Variants in GREB1 observed in about 807,000 individuals in gnomAD.
The protein encoded by GREB1 is protein GREB1.
A neutral mutation model predicts 200.7 loss-of-function variants in GREB1; 106 were observed. That is an observed-to-expected ratio of 0.53 (90% CI 0.45 to 0.62). The LOEUF (loss-of-function observed/expected upper bound fraction) is 0.62, where lower values mean the gene tolerates loss of function less well. Among genes scored for constraint, GREB1 ranks in the 20% least tolerant of loss-of-function variants. The pLI is 0.00. For missense variants in GREB1, 2,243 were observed against 2,556.8 expected (o/e 0.88, Z 2.65); for synonymous variants, 1,132 against 1,092.4 (o/e 1.04, Z -0.72).
In GREB1 at chr2:11,520,208, A is replaced by G. The variant is rs115026585; in HGVS notation, c.-158-36249A>G. ...CTCAGCCTTGTTTTAAGCTCTTTTT[A>G]TAGATTAAGCTCATTTCATCTTTAT... On this transcript the variant is annotated intron_variant, in intron 1 of 2. Transcript: ENST00000628795. Among the ~76,000 whole-genome samples, 786 of 152,350 alleles carry G rather than the reference A, an allele frequency of 5.2e-3. 4 individuals are homozygous for G. The highest frequency in any genetic ancestry group is 0.016 in the African/African-American group (645 of 41,580).
At chr2:11,555,197 A>G (rs564407871) in intron 1 of GREB1, among the ~76,000 whole-genome samples, 8 of 152,370 alleles carry the variant, frequency 5.3e-5, no homozygotes, top group African/African-American at 2.4e-5. Context: ...AAAGAGAAAT[A>G]TAACAAATAG....
chr2:11,518,427 GACAC>G (rs1673583720), intron 1 of GREB1, among the ~76,000 whole-genome samples: 3 of 151,674 alleles, frequency 2.0e-5, no homozygotes, highest in Non-Finnish European at 2.9e-5. Flanking sequence ...TTGTATCTCA[GACAC>G]TGAGTTTTGA....
intron 1 of GREB1, among the ~76,000 whole-genome samples, chr2:11,485,674 G>T (rs1448157022): frequency 1.3e-5 from 2 of 152,162 alleles, no homozygotes; most frequent in South Asian, 4.1e-4. Context: ...TGCTTGGTAC[G>T]AAGTTGATCA....
At chr2:11,518,846 C>T (rs7580473) in intron 1 of GREB1, among the ~76,000 whole-genome samples, 14,283 of 152,020 alleles carry the variant, frequency 0.094, 919 homozygotes, top group Non-Finnish European at 0.14. Context: ...CTTCTGTAAT[C>T]CCAGCACTTT....
Position 11,601,011 on chromosome 2 carries a change from C to G in GREB1, c.2529+16C>G. ...CTGCAGTAATGTGAGTGCCACGGGG[C>G]TGCTGGGCCCTTGTGTAGCAATATC... On this transcript the variant is annotated intron_variant, in intron 16 of 32. Coordinates refer to ENST00000381486, the MANE Select transcript of GREB1 (RefSeq NM_014668.4). 6.3e-7 allele frequency: 1 copy of G among 1,595,036 alleles called. No homozygotes were observed. Among genetic ancestry groups the G allele is most frequent in the East Asian group, 2.2e-5 (1 of 44,502 alleles).
At chr2:11,560,180 T>A (rs1436340780) in intron 2 of GREB1, among the ~76,000 whole-genome samples, 1 of 152,208 alleles carries the variant, frequency 6.6e-6, no homozygotes, top group Non-Finnish European at 1.5e-5. Context: ...CAGGATCAGA[T>A]GCACAGAGAG....
chr2:11,618,324 C>T lies in GREB1; in HGVS notation c.3449C>T (p.Thr1150Ile). The T allele has an allele frequency of 6.3e-7, 1 of 1,594,982 alleles. No homozygotes were observed. Among genetic ancestry groups the T allele is most frequent in the Non-Finnish European group, 8.6e-7 (1 of 1,168,846 alleles). Reference protein sequence around the residue: ...ALGGESSAQPTALPQGEHARS... With the variant: ...ALGGESSAQPIALPQGEHARS... ...GGTGGCGAGTCCTCGGCTCAGCCCA[C>T]AGCACTCCCCCAGGGAGAGCATGCC... The change falls in exon 22 of 33, where the codon ACA (threonine) becomes ATA (isoleucine). Residue 1150 changes from threonine to isoleucine, a missense_variant. Around this residue, in one of 3 missense-constraint regions of GREB1, gnomAD observed 587 missense variants for 553.1 expected, o/e 1.06. Coordinates refer to ENST00000381486, the MANE Select transcript of GREB1 (RefSeq NM_014668.4).
At chr2:11,553,996 A>T (rs1481888921) in intron 1 of GREB1, among the ~76,000 whole-genome samples, 1 of 152,088 alleles carries the variant, frequency 6.6e-6, no homozygotes, top group East Asian at 1.9e-4. Context: ...GGCATTTGGG[A>T]TGTTATTCGT....
At chr2:11,527,640 C>T (rs1389574971) in intron 1 of GREB1, among the ~76,000 whole-genome samples, 16 of 152,218 alleles carry the variant, frequency 1.1e-4, no homozygotes, top group Admixed American at 1.0e-3. Context: ...AGACTGCACT[C>T]ATTCATTCAA....
chr2:11,631,914 T>C lies in GREB1; in HGVS notation c.4617T>C (p.His1539=). ...ATGATACCTGTACTTTGCAGAGCCA[T>C]GAATATATAAAAAGTCCGACATTCA... ...MRLPLVTDKS[H]EYIKSPTFTP... is the part of the protein sequence containing the mutation. The change falls in exon 27 of 33, where the codon CAT becomes CAC. Residue 1539 remains histidine, a synonymous_variant. Transcript: ENST00000381486. The C allele has an allele frequency of 6.2e-7, 1 of 1,612,726 alleles. No homozygotes were observed. Among genetic ancestry groups the C allele is most frequent in the Non-Finnish European group, 8.5e-7 (1 of 1,178,944 alleles).
In GREB1 at chr2:11,591,548, A is replaced by G. The variant is rs1347688226; in HGVS notation, c.1346-1228A>G. ...TCATCTTTTTCTGAATTAATAACCC[A>G]AATGATGGTACCCAGTGGTGCTTAG... On this transcript the variant is annotated intron_variant, in intron 10 of 32. Coordinates refer to ENST00000381486, the MANE Select transcript of GREB1 (RefSeq NM_014668.4). 5 of 688,880 alleles carry G rather than the reference A, an allele frequency of 7.3e-6. No homozygotes were observed. The Admixed American group carries it at 1.0e-4, about 14-fold the overall frequency. 42.7% of individuals were successfully genotyped at this position (688,880 alleles called of 1,614,324 possible). A position where few individuals can be genotyped will look rare whatever the true frequency, so the allele number is the denominator to read the frequency against.
intron 9 of GREB1, chr2:11,588,520 C>T: frequency 3.3e-6 from 2 of 597,848 alleles, no homozygotes; most frequent in East Asian, 5.9e-5. Flanking sequence ...AATGAACCAG[C>T]AAGTGGCACA....
At chr2:11,632,335 C>CTTTTTTT (rs567209224) in intron 27 of GREB1, among the ~76,000 whole-genome samples, 10 of 112,206 alleles carry the variant, frequency 8.9e-5, no homozygotes, top group African/African-American at 1.7e-4. Context: ...TTCTTTCTCT[C>CTTTTTTT]TTTTTTTTTT....
At chr2:11,566,706 C>A in intron 4 of GREB1, 50 bp downstream of exon 4, 1 of 1,539,760 alleles carries the variant, frequency 6.5e-7, no homozygotes, top group Non-Finnish European at 8.8e-7. Context: ...TGGGGTAGAG[C>A]AGGGTCAAGG....
intron 1 of GREB1, among the ~76,000 whole-genome samples, chr2:11,495,564 G>T (rs894861669): frequency 6.6e-6 from 1 of 151,882 alleles, no homozygotes; most frequent in Admixed American, 6.6e-5. Context: ...AGCACTTCAC[G>T]TGTAACTCAC....
chr2:11,634,434 G>A (rs572661227), intron 29 of GREB1, 85 bp downstream of exon 29: 273 of 1,040,882 alleles, frequency 2.6e-4, no homozygotes, highest in Non-Finnish European at 2.1e-4. Flanking sequence ...CTGCAGAGGC[G>A]TCCTGGCTGT....
intron 1 of GREB1, among the ~76,000 whole-genome samples, chr2:11,553,307 T>C (rs550233357): frequency 2.0e-5 from 3 of 152,142 alleles, no homozygotes; most frequent in African/African-American, 7.2e-5. Flanking sequence ...GAGACCAGCC[T>C]GGGCAACATG....
At position 11,520,965 on chromosome 2, in the gene GREB1, G is replaced by A. The variant is rs560937437; in HGVS notation, c.-158-35492G>A. Among the ~76,000 whole-genome samples the A allele has an allele frequency of 4.6e-5, 7 of 152,302 alleles. No individual in the cohort carries two copies. The South Asian group carries it at 6.2e-4, about 14-fold the overall frequency. ...CAAGGTCACACAGTTAGCAGGGGGC[G>A]TCTGGGATCCCACTGCGGGCAGTGC... is the stretch of plus-strand genomic sequence containing the variant. On this transcript the variant is annotated intron_variant, in intron 1 of 2. Transcript: ENST00000628795.
intron 1 of GREB1, among the ~76,000 whole-genome samples, chr2:11,503,743 A>G (rs1673107953): frequency 6.6e-6 from 1 of 152,126 alleles, no homozygotes; most frequent in Admixed American, 6.5e-5. Flanking sequence ...TGCTGATGAG[A>G]TTGCTCACGT....
Sources: gnomAD v4.1 joint callset for allele counts (sites outside exome capture counted in the v4.1 genomes callset) on GRCh38, gnomAD v4.1.1 for gene constraint, gnomAD v4.1.1 regional missense constraint, MANE v1.5 for transcripts, NCBI Gene and HGNC (gene_info 2026-07-23, HGNC 2026-07-21) for gene names.